The following CEMIP variants were observed in gnomAD, a reference collection of about 807,000 sequenced individuals.
CEMIP encodes the protein cell migration inducing hyaluronidase 1, also known as cell migration-inducing and hyaluronan-binding protein.
In CEMIP, 105 loss-of-function variants were observed where a neutral mutation model predicts 156.9. The observed-to-expected ratio is 0.67, with a 90% CI of 0.57 to 0.79. CEMIP has a LOEUF of 0.79. Among genes scored for constraint, CEMIP ranks in the 30% least tolerant of loss-of-function variants. The pLI, the probability that CEMIP is intolerant of heterozygous loss-of-function variation, is 0.00. For missense variants in CEMIP, 1,457 were observed against 1,769.4 expected (o/e 0.82, Z 3.17); for synonymous variants, 676 against 668.4 (o/e 1.01, Z -0.17).
chr15:80,931,861 A>C lies in CEMIP; in HGVS notation c.2615A>C (p.Asn872Thr). ...ATCTTACTTCCTTAACTCCGTAGGAATTTTCCAATTAGAGGAATTCAGTTA... is the reference window on the plus strand; with the variant it reads ...ATCTTACTTCCTTAACTCCGTAGGACTTTTCCAATTAGAGGAATTCAGTTA... ...HSGRTLPIGQ[N>T]FPIRGIQLYD... The change falls in exon 22 of 30, where the codon AAT becomes ACT. Residue 872 changes from asparagine (N) to threonine (T), a missense_variant and splice_region_variant. By Grantham distance (65) the Asn-to-Thr change is moderately conservative (BLOSUM62 0). Transcript: ENST00000394685. The C allele has an allele frequency of 1.2e-6, 2 of 1,613,986 alleles. No homozygotes were observed. The highest frequency in any genetic ancestry group is 1.7e-6 in the Non-Finnish European group (2 of 1,179,864).
At chr15:80,842,840 G>A (rs191500854) in intron 1 of CEMIP, among the ~76,000 whole-genome samples, 13 of 152,314 alleles carry the variant, frequency 8.5e-5, no homozygotes, top group South Asian at 2.1e-4. Flanking sequence ...AATAAGGGTC[G>A]TGGCAGCAGG....
intron 1 of CEMIP, among the ~76,000 whole-genome samples, chr15:80,811,141 T>C (rs1896662985): frequency 6.6e-6 from 1 of 152,160 alleles, no homozygotes. Flanking sequence ...AAAAACTAAA[T>C]AGAATTCAAC....
At chr15:80,804,388 T>C (rs1037579326) in intron 1 of CEMIP, among the ~76,000 whole-genome samples, 1 of 152,208 alleles carries the variant, frequency 6.6e-6, no homozygotes, top group African/African-American at 2.4e-5. Context: ...TTTGAAGACA[T>C]AATTGTGGTT....
chr15:80,821,498 A>G (rs766097528), intron 1 of CEMIP, among the ~76,000 whole-genome samples: 1 of 152,220 alleles, frequency 6.6e-6, no homozygotes, highest in Non-Finnish European at 1.5e-5. Context: ...GGAGATCGGC[A>G]GGGAGGCTTT....
rs1901696448 is a variant in CEMIP, at chr15:80,949,013, C to T, written c.*89C>T. On this transcript the variant is annotated 3_prime_UTR_variant, in exon 30 of 30. Coordinates refer to ENST00000394685, the MANE Select transcript of CEMIP (RefSeq NM_001293298.2). ...GTGGGGGATGGCTGGGTCCCCCAGC[C>T]CCTGCCAGCAGCTGCCTGGGAAGGC... The T allele has an allele frequency of 6.4e-7, 1 of 1,553,244 alleles. No homozygotes were observed. The highest frequency in any genetic ancestry group is 8.9e-7 in the Non-Finnish European group (1 of 1,128,298).
chr15:80,939,744 G>T (rs1409358969), intron 25 of CEMIP, among the ~76,000 whole-genome samples: 3 of 152,166 alleles, frequency 2.0e-5, no homozygotes, highest in Non-Finnish European at 4.4e-5. Context: ...GTTATAGGGG[G>T]TCTGTTTCCT....
chr15:80,866,796 A>T lies in CEMIP; in HGVS notation c.-175-6742A>T, dbSNP rs554241459. On this transcript the variant is annotated intron_variant, in intron 1 of 29. Coordinates refer to ENST00000394685, the MANE Select transcript of CEMIP (RefSeq NM_001293298.2). ...AACAAAACTCTGTCTTAAAAAAAAA[A>T]AAAAGACTCTATGGATACATAAAAG... Among the ~76,000 whole-genome samples, 9 of 151,232 alleles carry T rather than the reference A, an allele frequency of 6.0e-5. No homozygotes were observed. In the East Asian group the frequency reaches 1.8e-3, roughly 29 times the overall value.
At chr15:80,838,648 A>T (rs1157640401) in intron 1 of CEMIP, among the ~76,000 whole-genome samples, 1 of 150,822 alleles carries the variant, frequency 6.6e-6, no homozygotes, top group Non-Finnish European at 1.5e-5. Context: ...TGATGATAAA[A>T]CCCCCCGTGT....
intron 16 of CEMIP, 136 bp from the exon 17 acceptor site, chr15:80,921,873 G>A (rs1900485309): frequency 2.9e-6 from 3 of 1,025,894 alleles, no homozygotes; most frequent in Non-Finnish European, 4.6e-6. Context: ...GTGTGTTGGG[G>A]GTGGGCACCG....
chr15:80,825,166 T>C (rs1897002379), intron 1 of CEMIP, among the ~76,000 whole-genome samples: 1 of 152,216 alleles, frequency 6.6e-6, no homozygotes, highest in Admixed American at 6.5e-5. Flanking sequence ...GGTCTTGATA[T>C]CACCATTTAT....
chr15:80,851,411 G>A (rs970457987), intron 1 of CEMIP, among the ~76,000 whole-genome samples: 2 of 152,150 alleles, frequency 1.3e-5, no homozygotes, highest in Admixed American at 6.6e-5. Context: ...CCTATTCTAG[G>A]CCAGGCCCTC....
chr15:80,817,971 A>G (rs888091755), intron 1 of CEMIP, among the ~76,000 whole-genome samples: 2 of 152,172 alleles, frequency 1.3e-5, no homozygotes, highest in African/African-American at 4.8e-5. Context: ...CTCTCTGGGC[A>G]TTCGTCATCT....
intron 14 of CEMIP, among the ~76,000 whole-genome samples, chr15:80,918,824 T>C (rs994774749): frequency 6.6e-6 from 1 of 151,744 alleles, no homozygotes; most frequent in African/African-American, 2.4e-5. Context: ...GGGAACAGAG[T>C]CTGGGATTGG....
intron 1 of CEMIP, among the ~76,000 whole-genome samples, chr15:80,851,980 G>A (rs1467017706): frequency 6.6e-6 from 1 of 152,134 alleles, no homozygotes; most frequent in Non-Finnish European, 1.5e-5. Flanking sequence ...GGATAGAGAG[G>A]TCCTCCTGCA....
chr15:80,859,610 C>T (rs998668299), intron 1 of CEMIP, among the ~76,000 whole-genome samples: 10 of 152,228 alleles, frequency 6.6e-5, no homozygotes, highest in East Asian at 1.9e-4. Flanking sequence ...ATGGGCCTAC[C>T]CTGGGTCTAA....
chr15:80,918,377 A>G (rs943302695), intron 14 of CEMIP, among the ~76,000 whole-genome samples: 2 of 152,182 alleles, frequency 1.3e-5, no homozygotes, highest in African/African-American at 4.8e-5. Context: ...CCTCCTACCC[A>G]ATGGAATTTT....
intron 6 of CEMIP, among the ~76,000 whole-genome samples, chr15:80,881,685 G>T (rs74437784): frequency 6.6e-6 from 1 of 152,294 alleles, no homozygotes; most frequent in Non-Finnish European, 1.5e-5. Context: ...CGGAGGCTGC[G>T]GTAAGGACGT....
intron 1 of CEMIP, among the ~76,000 whole-genome samples, chr15:80,796,052 G>A (rs1367516309): frequency 6.6e-6 from 1 of 152,176 alleles, no homozygotes; most frequent in East Asian, 1.9e-4. Flanking sequence ...TCATAAAGAG[G>A]TGGCTTTTCC....
At chr15:80,887,075 TG>T (rs1250092483) in intron 7 of CEMIP, among the ~76,000 whole-genome samples, 5 of 152,144 alleles carry the variant, frequency 3.3e-5, no homozygotes, top group Non-Finnish European at 5.9e-5. Flanking sequence ...TAAAACAAAA[TG>T]GGGTAAGAAA....
Sources: allele counts gnomAD v4.1 joint callset (sites outside exome capture counted in the v4.1 genomes callset), GRCh38; gene constraint gnomAD v4.1.1; transcripts MANE v1.5; gene names NCBI Gene and HGNC (gene_info 2026-07-23, HGNC 2026-07-21).